Variants in WASHC5 observed in about 807,000 individuals in gnomAD.
WASHC5 encodes WASH complex subunit strumpellin.
In WASHC5, 101 loss-of-function variants were observed where a neutral mutation model predicts 150.4. The observed-to-expected ratio is 0.67, with a 90% CI of 0.57 to 0.79. The LOEUF (loss-of-function observed/expected upper bound fraction) is 0.79, where lower values mean the gene tolerates loss of function less well. Among genes scored for constraint, WASHC5 ranks in the 30% least tolerant of loss-of-function variants. The pLI is 0.00. For synonymous variants in WASHC5, 467 were observed against 491.2 expected (o/e 0.95, Z 0.65); for missense variants, 1,195 against 1,396.3 (o/e 0.86, Z 2.30).
At chr8:125,074,453 T>G (rs1161087605) in intron 8 of WASHC5, among the ~76,000 whole-genome samples, 1 of 152,170 alleles carries the variant, frequency 6.6e-6, no homozygotes. Flanking sequence ...TCCCCAAGAT[T>G]TTATCTTTAT....
At chr8:125,025,306 G>A (rs1815346897) in intron 28 of WASHC5, among the ~76,000 whole-genome samples, 1 of 152,162 alleles carries the variant, frequency 6.6e-6, no homozygotes, top group African/African-American at 2.4e-5. Context: ...AGGAAATTTA[G>A]CAAATGCAGA....
chr8:125,074,618 C>A (rs1187451062), intron 8 of WASHC5, among the ~76,000 whole-genome samples: 2 of 152,130 alleles, frequency 1.3e-5, no homozygotes, highest in Non-Finnish European at 2.9e-5. Context: ...GACATATTAT[C>A]CATATTCAGT....
rs142038956 is a variant in WASHC5 at position 125,032,923 on chromosome 8, C to T, written c.3182-529G>A. Reference sequence around the variant, plus strand: ...GTATCAAAGCTGGCCTTTACACTAACGATTTTTTAAAAATTGGAGATGGGG... The same window carrying T: ...GTATCAAAGCTGGCCTTTACACTAATGATTTTTTAAAAATTGGAGATGGGG... On this transcript the variant is annotated intron_variant, in intron 26 of 28. Transcript: ENST00000318410. 1.7e-3 allele frequency among the ~76,000 whole-genome samples: 251 copies of T among 151,756 alleles called. 1 individual carries two copies. The highest frequency in any genetic ancestry group is 5.9e-3 in the African/African-American group (242 of 41,352).
chr8:125,046,377 T>G (rs1178595594), intron 20 of WASHC5, among the ~76,000 whole-genome samples: 1 of 152,168 alleles, frequency 6.6e-6, no homozygotes, highest in Non-Finnish European at 1.5e-5. Context: ...TAAAATATTC[T>G]CAGGAGCAGT....
In WASHC5 at chr8:125,039,919, G is replaced by A. The variant is rs776843021; in HGVS notation, c.2851-21C>T. On this transcript the variant is annotated intron_variant, in intron 23 of 28. Coordinates refer to ENST00000318410, the MANE Select transcript of WASHC5 (RefSeq NM_014846.4). Reference sequence around the variant, plus strand: ...CCAACCTGTGCACAAGCAAGAGAAAGAACAGGTAGTGCATTCAAGCATTTC... The same window carrying A: ...CCAACCTGTGCACAAGCAAGAGAAAAAACAGGTAGTGCATTCAAGCATTTC... 121 of 1,535,164 alleles carry A rather than the reference G, an allele frequency of 7.9e-5. 1 individual carries two copies. The Admixed American group carries it at 2.0e-3, about 25-fold the overall frequency.
At chr8:125,036,991 C>T (rs566382477) in intron 26 of WASHC5, among the ~76,000 whole-genome samples, 39 of 151,988 alleles carry the variant, frequency 2.6e-4, no homozygotes, top group Admixed American at 4.6e-4. Context: ...CCAGCCTGGG[C>T]AATAAGAACA....
At chr8:125,088,436 A>AG (rs1300675108) in intron 1 of WASHC5, among the ~76,000 whole-genome samples, 1 of 132,472 alleles carries the variant, frequency 7.5e-6, no homozygotes, top group Non-Finnish European at 1.6e-5. Flanking sequence ...AAAAAAAAAA[A>AG]GGGGGAGGGG....
At chr8:125,077,863 T>G (rs1055809682) in intron 6 of WASHC5, among the ~76,000 whole-genome samples, 7 of 152,112 alleles carry the variant, frequency 4.6e-5, no homozygotes, top group African/African-American at 1.7e-4. Flanking sequence ...TATGGAGACC[T>G]GGCATCTGTG....
chr8:125,039,618 G>A (rs1323373528), intron 24 of WASHC5, among the ~76,000 whole-genome samples, 177 bp downstream of exon 24: 1 of 152,120 alleles, frequency 6.6e-6, no homozygotes, highest in East Asian at 1.9e-4. Flanking sequence ...TAAACGGAGG[G>A]ACAATACTGA....
chr8:125,076,847 CTG>C (rs952550780), intron 6 of WASHC5, among the ~76,000 whole-genome samples: 3 of 151,928 alleles, frequency 2.0e-5, no homozygotes, highest in African/African-American at 7.3e-5. Context: ...GCTCCACTCA[CTG>C]TTGCTATTTT....
At chr8:125,079,070 T>A (rs572782951) in intron 5 of WASHC5, 140 bp from the exon 6 acceptor site, 1 of 583,504 alleles carries the variant, frequency 1.7e-6, no homozygotes, top group East Asian at 3.2e-5. Flanking sequence ...ATCCTCAATA[T>A]ATCCTCAAGA....
At chr8:125,075,163 A>G in intron 7 of WASHC5, 52 bp from the exon 8 acceptor site, 1 of 1,111,204 alleles carries the variant, frequency 9.0e-7, no homozygotes, top group Admixed American at 1.7e-5. Flanking sequence ...CTTCAAGGCA[A>G]AGGGTTGAAT....
chr8:125,065,680 T>C (rs146304668), intron 10 of WASHC5, among the ~76,000 whole-genome samples: 3,894 of 151,234 alleles, frequency 0.026, 176 homozygotes, highest in African/African-American at 0.091. Flanking sequence ...TGCAGTGGCA[T>C]GATCTCGGCT....
At chr8:125,076,897 A>C (rs1211255495) in intron 6 of WASHC5, among the ~76,000 whole-genome samples, 1 of 151,808 alleles carries the variant, frequency 6.6e-6, no homozygotes, top group Non-Finnish European at 1.5e-5. Context: ...CTGAAATTCG[A>C]CCTCCATCAT....
At position 125,067,256 on chromosome 8, in the gene WASHC5, G is replaced by T. The variant is rs138994964; in HGVS notation, c.1278+336C>A. On this transcript the variant is annotated intron_variant, in intron 10 of 28. Transcript: ENST00000318410. ...TGATCTCGAACTCCTGACCTCAGGTGATCTGCCCACGTGGGCCTTCCAAGG... is the reference window on the plus strand; with the variant it reads ...TGATCTCGAACTCCTGACCTCAGGTTATCTGCCCACGTGGGCCTTCCAAGG... 2.8e-3 allele frequency among the ~76,000 whole-genome samples: 434 copies of T among 152,308 alleles called. 1 individual carries two copies. Among genetic ancestry groups the T allele is most frequent in the African/African-American group, 0.01 (419 of 41,574 alleles).
chr8:125,083,107 C>A lies in WASHC5; in HGVS notation c.332+6G>T. 2 of 1,486,814 alleles carry A rather than the reference C, an allele frequency of 1.3e-6. No individual in the cohort carries two copies. Among genetic ancestry groups the A allele is most frequent in the South Asian group, 2.3e-5 (2 of 87,840 alleles). The allele number at this position is 1,486,814 out of a possible 1,614,324, so 92.1% of individuals were successfully genotyped here. On this transcript the variant is annotated splice_donor_region_variant and intron_variant, in intron 3 of 28. Transcript: ENST00000318410. ...CAGAATAAGCTATTCCTAAATAGATCAATACCTGTTTAAGTCTACAATATA... is the reference window on the plus strand; with the variant it reads ...CAGAATAAGCTATTCCTAAATAGATAAATACCTGTTTAAGTCTACAATATA...
intron 20 of WASHC5, 113 bp from the exon 21 acceptor site, chr8:125,044,811 T>A: frequency 9.2e-7 from 1 of 1,081,130 alleles, no homozygotes. Flanking sequence ...AGTTACATGA[T>A]CTGTGTTTTC....
rs1303872605 is a variant in WASHC5 at position 125,076,751 on chromosome 8, A to AAAAAAAAAAAAAAAG, written c.712-252_712-251insCTTTTTTTTTTTTTT. 3.8e-4 allele frequency among the ~76,000 whole-genome samples: 58 copies of AAAAAAAAAAAAAAAG among 151,470 alleles called. 1 individual carries two copies. Among genetic ancestry groups the AAAAAAAAAAAAAAAG allele is most frequent in the African/African-American group, 1.3e-3 (55 of 40,938 alleles). ...CAATTCTAAGTCTTTTCTTAAAAAA[A>AAAAAAAAAAAAAAAG]AAAAAAAAAAGTCCCATTCCTGTGT... On this transcript the variant is annotated intron_variant, in intron 6 of 28. Coordinates refer to ENST00000318410, the MANE Select transcript of WASHC5 (RefSeq NM_014846.4).
chr8:125,029,905 C>T (rs920914297), intron 27 of WASHC5, among the ~76,000 whole-genome samples: 2 of 152,178 alleles, frequency 1.3e-5, no homozygotes, highest in African/African-American at 4.8e-5. Flanking sequence ...AAAATTCTCC[C>T]TGCTCTCAAT....
Sources: allele counts gnomAD v4.1 joint callset (sites outside exome capture counted in the v4.1 genomes callset), GRCh38; gene constraint gnomAD v4.1.1; transcripts MANE v1.5; gene names NCBI Gene and HGNC (gene_info 2026-07-23, HGNC 2026-07-21).